ATF1: variants seen among roughly 807,000 people sequenced by gnomAD.
ATF1 encodes cyclic AMP-dependent transcription factor ATF-1.
In ATF1, 16 loss-of-function variants were observed where a neutral mutation model predicts 34.7. The observed-to-expected ratio is 0.46, with a 90% CI of 0.31 to 0.70. The LOEUF (loss-of-function observed/expected upper bound fraction) is 0.70. Among genes scored for constraint, ATF1 ranks in the 30% least tolerant of loss-of-function variants. ATF1 has a pLI of 0.05. For missense variants in ATF1, 255 were observed against 321.6 expected (o/e 0.79, Z 1.58); for synonymous variants, 105 against 113.1 (o/e 0.93, Z 0.46).
chr12:50,767,885 T>TG (rs1021399806), intron 1 of ATF1, among the ~76,000 whole-genome samples: 2 of 151,840 alleles, frequency 1.3e-5, no homozygotes, highest in African/African-American at 4.8e-5. Flanking sequence ...CTTTTTTTTT[T>TG]TTTTTGAGAT....
At chr12:50,813,124 G>C (rs1232152978) in intron 4 of ATF1, among the ~76,000 whole-genome samples, 5 of 152,158 alleles carry the variant, frequency 3.3e-5, no homozygotes, top group Non-Finnish European at 5.9e-5. Context: ...TGCCTTATGG[G>C]CATTTAAGGG....
At chr12:50,819,445 G>A (rs1053907578) in intron 6 of ATF1, among the ~76,000 whole-genome samples, 190 bp from the exon 7 acceptor site, 1 of 152,188 alleles carries the variant, frequency 6.6e-6, no homozygotes, top group Non-Finnish European at 1.5e-5. Flanking sequence ...CTTGACAGAG[G>A]TGTGGGTTAT....
At chr12:50,814,727 G>C (rs971538376) in intron 6 of ATF1, among the ~76,000 whole-genome samples, 1 of 151,744 alleles carries the variant, frequency 6.6e-6, no homozygotes. Flanking sequence ...ATTATGTATA[G>C]AACATAATAC....
chr12:50,799,653 C>T (rs908342790), intron 3 of ATF1, among the ~76,000 whole-genome samples: 3 of 151,916 alleles, frequency 2.0e-5, no homozygotes, highest in African/African-American at 4.8e-5. Flanking sequence ...TATAAACTCT[C>T]GGCCAAAAAT....
chr12:50,778,858 G>A (rs1940991881), intron 1 of ATF1, among the ~76,000 whole-genome samples: 1 of 152,148 alleles, frequency 6.6e-6, no homozygotes, highest in Non-Finnish European at 1.5e-5. Context: ...TAGGATTACG[G>A]CCTTGAGCCA....
chr12:50,814,157 A>G lies in ATF1; in HGVS notation c.476A>G (p.Gln159Arg). 2 of 1,614,182 alleles carry G rather than the reference A, an allele frequency of 1.2e-6. No individual in the cohort carries two copies. Among genetic ancestry groups the G allele is most frequent in the Non-Finnish European group, 1.7e-6 (2 of 1,180,012 alleles). The change falls in exon 5 of 7, where the codon CAG becomes CGG. Residue 159 changes from glutamine (Q) to arginine (R), a missense_variant. By Grantham distance (43) the Gln-to-Arg change is conservative. Transcript: ENST00000262053. Reference protein sequence around the residue: ...LQYAQTSDGQQILVPSNQVVV... With the variant: ...LQYAQTSDGQRILVPSNQVVV... ...TATGCACAGACCTCTGATGGACAGC[A>G]GATACTTGTGCCCAGCAATCAGGTG...
chr12:50,819,445 G>C (rs1053907578), intron 6 of ATF1, among the ~76,000 whole-genome samples, 190 bp from the exon 7 acceptor site: 1 of 152,188 alleles, frequency 6.6e-6, no homozygotes, highest in Non-Finnish European at 1.5e-5. Context: ...CTTGACAGAG[G>C]TGTGGGTTAT....
chr12:50,768,328 G>A (rs752051563), intron 1 of ATF1, among the ~76,000 whole-genome samples: 14 of 152,082 alleles, frequency 9.2e-5, no homozygotes, highest in Non-Finnish European at 1.6e-4. Flanking sequence ...GGTTACCTTT[G>A]ATAAAATTCA....
intron 2 of ATF1, among the ~76,000 whole-genome samples, chr12:50,793,613 A>G (rs1026594904): frequency 9.6e-5 from 14 of 145,254 alleles, no homozygotes; most frequent in African/African-American, 3.3e-4. Context: ...AGCCTGGGCG[A>G]CAAGAGCAAG....
rs541927360 is a variant in ATF1 at position 50,798,747 on chromosome 12, C to T, written c.194+2738C>T. On this transcript the variant is annotated intron_variant, in intron 3 of 6. Coordinates refer to ENST00000262053, the MANE Select transcript of ATF1 (RefSeq NM_005171.5). ...ACGAATTCACTCAAAAATCATCAAA[C>T]GTGCAAGGACATAAACCACGTAAGT... 7.9e-5 allele frequency among the ~76,000 whole-genome samples: 12 copies of T among 152,268 alleles called. No homozygotes were observed. In the East Asian group the frequency reaches 1.5e-3, roughly 20 times the overall value.
At position 50,789,275 on chromosome 12, in the gene ATF1, G is replaced by A. The variant is rs544311417; in HGVS notation, c.94-6634G>A. On this transcript the variant is annotated intron_variant, in intron 2 of 6. Transcript: ENST00000262053. The stretch of plus-strand genomic sequence containing the variant: ...TAGAGACGGGGGTTTCGCCATGTTG[G>A]CCAGGCTGGTCTTGAACTTCTGACT... Among the ~76,000 whole-genome samples, 36 of 152,086 alleles carry A rather than the reference G, an allele frequency of 2.4e-4. 1 individual carries two copies. The highest frequency in any genetic ancestry group is 8.2e-4 in the African/African-American group (34 of 41,506).
At chr12:50,797,149 T>C (rs575563704) in intron 3 of ATF1, among the ~76,000 whole-genome samples, 8 of 152,102 alleles carry the variant, frequency 5.3e-5, no homozygotes, top group African/African-American at 1.9e-4. Flanking sequence ...GTACACAACA[T>C]ACATAGATAA....
chr12:50,779,108 C>T (rs1233296009), intron 1 of ATF1, among the ~76,000 whole-genome samples: 5 of 152,218 alleles, frequency 3.3e-5, no homozygotes, highest in Non-Finnish European at 5.9e-5. Context: ...CTTCCTAAGG[C>T]TGAACAATAT....
intron 2 of ATF1, among the ~76,000 whole-genome samples, chr12:50,790,197 A>ATTTTTTTTTTTTTTTTTTTTT (rs71086483): frequency 8.4e-6 from 1 of 119,414 alleles, no homozygotes; most frequent in Non-Finnish European, 1.7e-5. Context: ...TGTGGGTTCT[A>ATTTTTTTTTTTTTTTTTTTTT]TTTTTTTTTT....
chr12:50,773,131 G>GAT (rs1352640373), intron 1 of ATF1, among the ~76,000 whole-genome samples: 5 of 152,144 alleles, frequency 3.3e-5, no homozygotes, highest in Non-Finnish European at 5.9e-5. Context: ...AGTATTCCAT[G>GAT]ATATATATGT....
At chr12:50,803,469 A>G (rs1395701811) in intron 3 of ATF1, among the ~76,000 whole-genome samples, 6 of 151,602 alleles carry the variant, frequency 4.0e-5, no homozygotes, top group Middle Eastern at 3.4e-3. Context: ...TGGAGAAATT[A>G]AACCTCTCAT....
chr12:50,797,238 T>C (rs1941426231), intron 3 of ATF1, among the ~76,000 whole-genome samples: 1 of 152,164 alleles, frequency 6.6e-6, no homozygotes, highest in African/African-American at 2.4e-5. Context: ...ATTTCCAGGA[T>C]ATGAATTTCT....
intron 1 of ATF1, 43 bp from the exon 2 acceptor site, chr12:50,780,097 C>G: frequency 2.1e-6 from 3 of 1,415,280 alleles, no homozygotes; most frequent in African/African-American, 1.4e-5. Context: ...TGTAAACATT[C>G]TGTATCATAT....
chr12:50,801,671 AAATC>A (rs1478617123), intron 3 of ATF1, among the ~76,000 whole-genome samples: 2 of 152,248 alleles, frequency 1.3e-5, no homozygotes, highest in Non-Finnish European at 2.9e-5. Context: ...TAATAATTGA[AAATC>A]AATTAATGTA....
Sources: gnomAD v4.1 joint callset for allele counts (sites outside exome capture counted in the v4.1 genomes callset) on GRCh38, gnomAD v4.1.1 for gene constraint, MANE v1.5 for transcripts, NCBI Gene and HGNC (gene_info 2026-07-23, HGNC 2026-07-21) for gene names.